The following DOCK8 variants were observed in gnomAD, a reference collection of about 807,000 sequenced individuals.
The protein encoded by DOCK8 is dedicator of cytokinesis protein 8.
A neutral mutation model predicts 245.6 loss-of-function variants in DOCK8; 141 were observed. The observed-to-expected ratio is 0.57, with a 90% CI of 0.50 to 0.66. The LOEUF is 0.66. DOCK8 is among the 30% of genes least tolerant of loss of function. The pLI, the probability that DOCK8 is intolerant of heterozygous loss-of-function variation, is 0.00. For synonymous variants in DOCK8, 1,168 were observed against 970.2 expected, an observed-to-expected ratio of 1.20 and a Z score of -3.79; for missense variants, 2,965 against 2,603.4, an observed-to-expected ratio of 1.14 and a Z score of -3.02.
chr9:278,990 G>A lies in DOCK8; in HGVS notation c.156+7261G>A, dbSNP rs142647767. Among the ~76,000 whole-genome samples the A allele has an allele frequency of 3.2e-3, 487 of 152,262 alleles. 3 individuals carry two copies. Among genetic ancestry groups the A allele is most frequent in the Non-Finnish European group, 5.6e-3 (380 of 68,008 alleles). ...GGGAGGGCAGTTAGGAAGATGTCAC[G>A]GTAACTCAGGAAAGCAATACCGGTG... On this transcript the variant is annotated intron_variant, in intron 2 of 47. Transcript: ENST00000432829.
rs369269023 is a variant in DOCK8, at chr9:367,391, C to G, written c.1680-627C>G. On this transcript the variant is annotated intron_variant, in intron 14 of 47. Coordinates refer to ENST00000432829, the MANE Select transcript of DOCK8 (RefSeq NM_203447.4). Reference sequence around the variant, plus strand: ...TGTGGAACTTACACTGTAGTGGAATCTACTACTAATAATGCAAATAGAAAG... The same window carrying G: ...TGTGGAACTTACACTGTAGTGGAATGTACTACTAATAATGCAAATAGAAAG... 4.3e-4 allele frequency among the ~76,000 whole-genome samples: 66 copies of G among 152,302 alleles called. 1 individual carries two copies. The South Asian group carries it at 0.013, about 31-fold the overall frequency.
intron 4 of DOCK8, among the ~76,000 whole-genome samples, 199 bp from the exon 5 acceptor site, chr9:304,382 G>A (rs578053503): frequency 6.6e-6 from 1 of 152,170 alleles, no homozygotes; most frequent in Non-Finnish European, 1.5e-5. Context: ...CAGCCAGGGG[G>A]TAAATTTGTA....
intron 7 of DOCK8, 95 bp from the exon 8 acceptor site, chr9:325,576 C>G: frequency 4.0e-6 from 4 of 1,002,178 alleles, no homozygotes; most frequent in Middle Eastern, 2.1e-4. Context: ...GGAAACTGCT[C>G]ATATTTTTAA....
chr9:420,246 C>T, intron 30 of DOCK8, 155 bp from the exon 31 acceptor site: 1 of 826,082 alleles, frequency 1.2e-6, no homozygotes, highest in Non-Finnish European at 2.0e-6. Flanking sequence ...GAAGGCAGGG[C>T]TACTGGCAAT....
At chr9:313,296 A>G (rs990025622) in intron 6 of DOCK8, among the ~76,000 whole-genome samples, 1 of 152,198 alleles carries the variant, frequency 6.6e-6, no homozygotes, top group Admixed American at 6.5e-5. Flanking sequence ...ACACTTAGAG[A>G]TTGTGCTCAT....
chr9:399,366 A>C, intron 26 of DOCK8, 107 bp downstream of exon 26: 1 of 828,884 alleles, frequency 1.2e-6, no homozygotes, highest in Non-Finnish European at 2.0e-6. Context: ...CTGAGTTGGC[A>C]TGAATCCTAC....
intron 7 of DOCK8, among the ~76,000 whole-genome samples, chr9:317,758 C>T (rs2050410104): frequency 6.6e-6 from 1 of 152,018 alleles, no homozygotes; most frequent in Admixed American, 6.5e-5. Context: ...TAAACAGGCC[C>T]ATTTTTGTCA....
intron 39 of DOCK8, 65 bp downstream of exon 39, chr9:435,040 C>G: frequency 6.3e-7 from 1 of 1,575,990 alleles, no homozygotes; most frequent in Non-Finnish European, 8.6e-7. Flanking sequence ...TGTCCCCCAG[C>G]CCCAGGGACA....
At chr9:332,269 AAAAT>A in intron 9 of DOCK8, 125 bp from the exon 10 acceptor site, 1 of 655,056 alleles carries the variant, frequency 1.5e-6, no homozygotes, top group Non-Finnish European at 2.7e-6. Context: ...TTTTAATAAA[AAAAT>A]ATGTATCACA....
intron 35 of DOCK8, among the ~76,000 whole-genome samples, chr9:428,963 T>TATTC (rs948284124): frequency 6.6e-6 from 1 of 152,174 alleles, no homozygotes; most frequent in Non-Finnish European, 1.5e-5. Context: ...TTTTTCCCTT[T>TATTC]ATTTATTTAT....
chr9:400,820 T>A (rs1006058167), intron 26 of DOCK8, among the ~76,000 whole-genome samples: 11 of 26,300 alleles, frequency 4.2e-4, no homozygotes, highest in East Asian at 1.4e-3. Context: ...CACCACCACC[T>A]CCACCATCAC....
chr9:432,359 G>A, intron 37 of DOCK8, 35 bp downstream of exon 37: 2 of 1,609,358 alleles, frequency 1.2e-6, no homozygotes, highest in Admixed American at 3.3e-5. Flanking sequence ...TCATGCATGA[G>A]TTTGGGATCT....
intron 4 of DOCK8, among the ~76,000 whole-genome samples, chr9:298,618 A>AGTGTAT (rs2049374646): frequency 1.4e-5 from 2 of 145,306 alleles, no homozygotes; most frequent in African/African-American, 5.1e-5. Flanking sequence ...CACATCTGTA[A>AGTGTAT]GTGTGTGTGT....
chr9:231,381 G>A (rs1319111357), intron 1 of DOCK8, among the ~76,000 whole-genome samples: 1 of 152,110 alleles, frequency 6.6e-6, no homozygotes, highest in South Asian at 2.1e-4. Flanking sequence ...ACTTGGTGAT[G>A]CAGGCTCTTT....
At chr9:447,239 C>A (rs138969183) in intron 44 of DOCK8, among the ~76,000 whole-genome samples, 17 of 152,322 alleles carry the variant, frequency 1.1e-4, no homozygotes, top group African/African-American at 3.6e-4. Context: ...TCTCAAACCA[C>A]AGAATTGTTC....
intron 1 of DOCK8, among the ~76,000 whole-genome samples, chr9:233,530 C>CT (rs1230162166): frequency 2.0e-5 from 3 of 151,418 alleles, no homozygotes; most frequent in African/African-American, 7.3e-5. Flanking sequence ...GTGTGGGAGT[C>CT]TAAGTCTCTT....
At chr9:265,163 C>T (rs1036231380) in intron 1 of DOCK8, among the ~76,000 whole-genome samples, 18 of 152,122 alleles carry the variant, frequency 1.2e-4, no homozygotes, top group Admixed American at 1.1e-3. Flanking sequence ...AACTCCTGAC[C>T]GCAGGTGATC....
intron 9 of DOCK8, among the ~76,000 whole-genome samples, chr9:330,380 G>C (rs1417152924): frequency 6.6e-6 from 1 of 152,166 alleles, no homozygotes; most frequent in Non-Finnish European, 1.5e-5. Context: ...ACACAAAGCA[G>C]AGAGCCTAGC....
chr9:299,708 G>A (rs1161525391), intron 4 of DOCK8, among the ~76,000 whole-genome samples: 2 of 151,820 alleles, frequency 1.3e-5, no homozygotes, highest in Non-Finnish European at 2.9e-5. Flanking sequence ...AGAAATTCAA[G>A]CGGCCAGGGG....
Sources: gnomAD v4.1 joint callset for allele counts (sites outside exome capture counted in the v4.1 genomes callset) on GRCh38, gnomAD v4.1.1 for gene constraint, MANE v1.5 for transcripts, NCBI Gene and HGNC (gene_info 2026-07-23, HGNC 2026-07-21) for gene names.